The following ROCK2 variants were observed in gnomAD, a reference collection of about 807,000 sequenced individuals.
The protein encoded by ROCK2 is rho-associated protein kinase 2.
ROCK2 carries 61 observed loss-of-function variants against 195.1 expected under a neutral mutation model. That is an observed-to-expected ratio of 0.31 (90% CI 0.25 to 0.39). The LOEUF is 0.39. ROCK2 is among the 10% of genes least tolerant of loss of function. ROCK2 has a pLI of 1.00. For missense variants in ROCK2, 1,109 were observed against 1,637.4 expected, an observed-to-expected ratio of 0.68 and a Z score of 5.57; for synonymous variants, 504 against 545.5, an observed-to-expected ratio of 0.92 and a Z score of 1.06.
intron 1 of ROCK2, among the ~76,000 whole-genome samples, chr2:11,312,323 T>C (rs892634598): frequency 6.6e-6 from 1 of 152,110 alleles, no homozygotes; most frequent in Non-Finnish European, 1.5e-5. Context: ...AGTGTACAAT[T>C]TGATAAGTTT....
At chr2:11,279,798 A>T (rs1011545689) in intron 3 of ROCK2, among the ~76,000 whole-genome samples, 1 of 152,238 alleles carries the variant, frequency 6.6e-6, no homozygotes, top group East Asian at 1.9e-4. Context: ...AACACACCGT[A>T]ACAAACTTCA....
intron 9 of ROCK2, among the ~76,000 whole-genome samples, 171 bp from the exon 10 acceptor site, chr2:11,219,197 T>C (rs1175526345): frequency 1.3e-5 from 2 of 152,030 alleles, no homozygotes; most frequent in Admixed American, 6.6e-5. Context: ...TGTATCATTT[T>C]CAATAATTTA....
chr2:11,311,767 GCA>G (rs72036284), intron 1 of ROCK2, among the ~76,000 whole-genome samples: 11,523 of 150,020 alleles, frequency 0.077, 658 homozygotes, highest in African/African-American at 0.16. Context: ...ACACGCGCGT[GCA>G]CACACACACA....
chr2:11,236,381 A>T (rs996746613), intron 4 of ROCK2, among the ~76,000 whole-genome samples: 6 of 152,170 alleles, frequency 3.9e-5, no homozygotes, highest in South Asian at 4.1e-4. Context: ...GGAGCAATTT[A>T]AAAAAATCTA....
chr2:11,199,066 A>C (rs947380868), intron 23 of ROCK2, among the ~76,000 whole-genome samples: 6 of 151,600 alleles, frequency 4.0e-5, no homozygotes, highest in Non-Finnish European at 5.9e-5. Flanking sequence ...ACACCTGGCT[A>C]ATTTTTATAG....
intron 30 of ROCK2, 48 bp downstream of exon 30, chr2:11,193,731 A>T (rs998159510): frequency 1.7e-6 from 2 of 1,156,970 alleles, no homozygotes; most frequent in South Asian, 1.4e-5. Flanking sequence ...AAATGTGAAA[A>T]AAACAAAACA....
chr2:11,304,750 G>A (rs7575837), intron 1 of ROCK2, among the ~76,000 whole-genome samples: 111,423 of 151,990 alleles, frequency 0.73, 42,652 homozygotes, highest in East Asian at 0.94. Context: ...CTCACTCACT[G>A]TGCTTCTGCC....
At chr2:11,317,408 C>T (rs1450598657) in intron 1 of ROCK2, among the ~76,000 whole-genome samples, 1 of 151,012 alleles carries the variant, frequency 6.6e-6, no homozygotes, top group African/African-American at 2.4e-5. Context: ...TGTTACATAA[C>T]TTCTCTAAAC....
At chr2:11,234,243 C>G (rs1012383356) in intron 5 of ROCK2, 1 of 152,038 alleles carries the variant, frequency 6.6e-6, no homozygotes, top group African/African-American at 2.4e-5. Flanking sequence ...TATTCTATCC[C>G]GTTCCCCATA....
At chr2:11,261,572 A>G (rs1666226233) in intron 3 of ROCK2, among the ~76,000 whole-genome samples, 1 of 152,076 alleles carries the variant, frequency 6.6e-6, no homozygotes, top group Non-Finnish European at 1.5e-5. Flanking sequence ...TAATCCCAAC[A>G]CTTTGGGAGG....
intron 5 of ROCK2, among the ~76,000 whole-genome samples, chr2:11,232,410 T>G (rs984573809): frequency 4.6e-5 from 7 of 152,188 alleles, no homozygotes; most frequent in African/African-American, 1.7e-4. Context: ...ATTACAGGTG[T>G]GAGCCACCAC....
intron 1 of ROCK2, among the ~76,000 whole-genome samples, chr2:11,317,803 C>T (rs926468223): frequency 4.0e-5 from 6 of 149,532 alleles, no homozygotes; most frequent in Non-Finnish European, 7.4e-5. Flanking sequence ...GTGTGATGTT[C>T]CCCTTCCTGT....
At chr2:11,214,017 T>A (rs1240554879) in intron 17 of ROCK2, among the ~76,000 whole-genome samples, 2 of 152,218 alleles carry the variant, frequency 1.3e-5, no homozygotes, top group Non-Finnish European at 2.9e-5. Context: ...AAGAAAAACT[T>A]CTAAATGCCA....
intron 3 of ROCK2, among the ~76,000 whole-genome samples, chr2:11,281,822 A>G (rs1267490333): frequency 1.3e-5 from 2 of 152,206 alleles, no homozygotes; most frequent in Non-Finnish European, 2.9e-5. Flanking sequence ...TATATGAGGA[A>G]AACTACAAAA....
At chr2:11,316,847 C>T (rs1034769523) in intron 1 of ROCK2, among the ~76,000 whole-genome samples, 1 of 152,026 alleles carries the variant, frequency 6.6e-6, no homozygotes, top group Non-Finnish European at 1.5e-5. Flanking sequence ...TGAATGAAAA[C>T]TAAAAATGCA....
chr2:11,198,552 G>A lies in ROCK2; in HGVS notation c.3038C>T (p.Ala1013Val), dbSNP rs369183934. The A allele has an allele frequency of 3.7e-6, 6 of 1,613,206 alleles. No homozygotes were observed. Among genetic ancestry groups the A allele is most frequent in the Non-Finnish European group, 4.2e-6 (5 of 1,179,772 alleles). Residue 1013 changes from alanine to valine, a missense_variant, in exon 25 of 33, where the codon GCA (alanine) becomes GTA (valine). Ala to Val is a moderately conservative substitution (Grantham distance 64). This residue lies in a region of ROCK2 where 542 missense variants were observed against 672.0 expected (regional missense o/e 0.81). Coordinates refer to ENST00000315872, the MANE Select transcript of ROCK2 (RefSeq NM_004850.5). ...CTCAAACTGTGCTTTAATAGCTGCT[G>A]CGCTTATTTCTTCATCTTTCAATCT... Reference protein sequence around the residue: ...LSRLKDEEISAAAIKAQFEKQ... With the variant: ...LSRLKDEEISVAAIKAQFEKQ...
chr2:11,310,142 C>A (rs1667988195), intron 1 of ROCK2, among the ~76,000 whole-genome samples: 1 of 151,902 alleles, frequency 6.6e-6, no homozygotes, highest in Admixed American at 6.6e-5. Context: ...GTAATAAATA[C>A]TGTGTATTTC....
At chr2:11,245,006 C>T (rs892859420) in intron 4 of ROCK2, among the ~76,000 whole-genome samples, 1 of 151,878 alleles carries the variant, frequency 6.6e-6, no homozygotes, top group South Asian at 2.1e-4. Context: ...TGCAAAACTA[C>T]TTAACAAAAT....
intron 32 of ROCK2, among the ~76,000 whole-genome samples, chr2:11,190,789 T>C (rs1365745027): frequency 6.6e-6 from 1 of 152,190 alleles, no homozygotes; most frequent in African/African-American, 2.4e-5. Flanking sequence ...CTATAAGGTA[T>C]TAAAATACCA....
Sources: allele counts gnomAD v4.1 joint callset (sites outside exome capture counted in the v4.1 genomes callset), GRCh38; gene constraint gnomAD v4.1.1; regional missense constraint gnomAD v4.1.1; transcripts MANE v1.5; gene names NCBI Gene and HGNC (gene_info 2026-07-23, HGNC 2026-07-21).